Variants in TFEC observed in about 807,000 individuals in gnomAD.
The protein encoded by TFEC is transcription factor EC.
In TFEC, 31 loss-of-function variants were observed where a neutral mutation model predicts 41.6. The ratio of observed to expected loss-of-function variants is 0.74; its 90% confidence interval spans 0.56 to 1.01. TFEC has a LOEUF of 1.01. TFEC is among the 50% of genes least tolerant of loss of function. TFEC has a pLI of 0.00. For missense variants in TFEC, 402 were observed against 404.1 expected, an observed-to-expected ratio of 0.99 and a Z score of 0.04; for synonymous variants, 143 against 140.6, an observed-to-expected ratio of 1.02 and a Z score of -0.12.
intron 6 of TFEC, among the ~76,000 whole-genome samples, chr7:115,949,939 G>A (rs576829632): frequency 3.3e-5 from 5 of 151,530 alleles, no homozygotes; most frequent in South Asian, 2.1e-4. Flanking sequence ...GAAAATTTTC[G>A]CAACCTACTC....
intron 1 of TFEC, among the ~76,000 whole-genome samples, chr7:116,131,382 T>C (rs903891367): frequency 1.3e-5 from 2 of 152,198 alleles, no homozygotes; most frequent in African/African-American, 4.8e-5. Flanking sequence ...GACTAGTCTG[T>C]AAGACAGCTA....
At chr7:115,946,303 T>A (rs1791542871) in intron 6 of TFEC, among the ~76,000 whole-genome samples, 1 of 150,990 alleles carries the variant, frequency 6.6e-6, no homozygotes, top group Non-Finnish European at 1.5e-5. Flanking sequence ...GGACAAATAT[T>A]GCATTCCCTT....
In TFEC at chr7:116,094,700, AAAAC is replaced by A. The variant is rs200881260; in HGVS notation, c.198+16004_198+16007del. On this transcript the variant is annotated intron_variant, in intron 3 of 8. Coordinates refer to the TFEC transcript ENST00000484212. ...GTTTCAAACAAAACAAAACAAAATAAAAACAAACAAACAAAAAACAACAACAAAA... is the reference window on the plus strand; with the variant it reads ...GTTTCAAACAAAACAAAACAAAATAAAAACAAACAAAAAACAACAACAAAA... Among the ~76,000 whole-genome samples the A allele has an allele frequency of 1.8e-4, 27 of 152,254 alleles. No homozygotes were observed. The East Asian group carries it at 2.1e-3, about 12-fold the overall frequency.
chr7:116,097,872 A>T (rs574293803), intron 3 of TFEC, among the ~76,000 whole-genome samples: 3 of 152,350 alleles, frequency 2.0e-5, no homozygotes, highest in East Asian at 3.9e-4. Flanking sequence ...AAATAAATCA[A>T]AATGAAACTC....
At chr7:116,070,159 C>T (rs754355817) in intron 3 of TFEC, among the ~76,000 whole-genome samples, 39 of 150,222 alleles carry the variant, frequency 2.6e-4, no homozygotes, top group South Asian at 1.3e-3. Flanking sequence ...TGTGTGTGTG[C>T]GCGTGTGTGT....
intron 3 of TFEC, among the ~76,000 whole-genome samples, chr7:116,042,519 G>T (rs561939370): frequency 6.6e-4 from 100 of 152,264 alleles, no homozygotes; most frequent in African/African-American, 2.3e-3. Context: ...GGACAAATTT[G>T]AATTCACGAT....
chr7:116,071,411 T>C (rs1168008566), intron 3 of TFEC, among the ~76,000 whole-genome samples: 1 of 151,090 alleles, frequency 6.6e-6, no homozygotes, highest in Non-Finnish European at 1.5e-5. Context: ...CTCAGGTAGA[T>C]AGCAATACAG....
At chr7:115,996,201 G>C (rs910267401) in intron 1 of TFEC, among the ~76,000 whole-genome samples, 8 of 152,102 alleles carry the variant, frequency 5.3e-5, no homozygotes, top group Non-Finnish European at 1.2e-4. Flanking sequence ...GGAGGGGAAG[G>C]GAAAGAATAA....
At chr7:115,993,661 G>C (rs1029223579) in intron 1 of TFEC, among the ~76,000 whole-genome samples, 2 of 152,140 alleles carry the variant, frequency 1.3e-5, no homozygotes, top group Non-Finnish European at 2.9e-5. Context: ...TGTTGCGAAG[G>C]ACCTCTTCAA....
intron 7 of TFEC, 32 bp downstream of exon 7, chr7:115,941,861 T>C (rs1793520709): frequency 6.2e-7 from 1 of 1,610,944 alleles, no homozygotes; most frequent in South Asian, 1.1e-5. Context: ...ATGTGTAAGC[T>C]ATGTGACTCA....
intron 3 of TFEC, among the ~76,000 whole-genome samples, chr7:115,969,500 A>G (rs1215469324): frequency 6.6e-6 from 1 of 151,940 alleles, no homozygotes; most frequent in African/African-American, 2.4e-5. Context: ...TTCCAAACTA[A>G]GCAAAGGAAG....
chr7:116,014,556 T>C (rs1015224226), intron 1 of TFEC, among the ~76,000 whole-genome samples: 1 of 152,138 alleles, frequency 6.6e-6, no homozygotes, highest in African/African-American at 2.4e-5. Flanking sequence ...AGTATATTTG[T>C]TTTAGCCTTT....
intron 1 of TFEC, chr7:116,121,299 A>G (rs1000658688): frequency 2.0e-5 from 3 of 152,038 alleles, no homozygotes; most frequent in African/African-American, 7.2e-5. Flanking sequence ...CCAGATACAG[A>G]AAGCTGCATT....
At chr7:116,151,646 T>C (rs1584576950) in intron 1 of TFEC, among the ~76,000 whole-genome samples, 2 of 152,082 alleles carry the variant, frequency 1.3e-5, no homozygotes. Flanking sequence ...GAGAACTTGT[T>C]ACAATGGAAT....
chr7:116,155,011 C>T (rs1228811506), intron 1 of TFEC, among the ~76,000 whole-genome samples: 1 of 152,180 alleles, frequency 6.6e-6, no homozygotes, highest in African/African-American at 2.4e-5. Flanking sequence ...TATGCACCCC[C>T]GGAAGTCACA....
intron 1 of TFEC, among the ~76,000 whole-genome samples, chr7:116,024,912 G>A (rs1795531431): frequency 6.6e-6 from 1 of 151,206 alleles, no homozygotes; most frequent in African/African-American, 2.4e-5. Context: ...TTTTGTTGTT[G>A]TTGTTGTTGC....
chr7:116,020,061 C>T (rs1795335453), intron 1 of TFEC, among the ~76,000 whole-genome samples: 1 of 152,172 alleles, frequency 6.6e-6, no homozygotes. Flanking sequence ...ATTTAATCCT[C>T]ACAGCAAGCC....
At chr7:116,034,934 CTT>C (rs1795875478), upstream of TFEC, among the ~76,000 whole-genome samples, 1 of 151,786 alleles carries the variant, frequency 6.6e-6, no homozygotes, top group South Asian at 2.1e-4. Context: ...CCACCATTCT[CTT>C]GTCTCCCCCA....
chr7:115,998,222 T>C (rs1299419713), intron 1 of TFEC, among the ~76,000 whole-genome samples: 2 of 152,050 alleles, frequency 1.3e-5, no homozygotes, highest in East Asian at 1.9e-4. Context: ...CAAAATTTTA[T>C]GCAGTCAGTG....
Sources: gnomAD v4.1 joint callset for allele counts (sites outside exome capture counted in the v4.1 genomes callset) on GRCh38, gnomAD v4.1.1 for gene constraint, MANE v1.5 for transcripts, NCBI Gene and HGNC (gene_info 2026-07-23, HGNC 2026-07-21) for gene names.